Variants in ZBED6 observed in about 807,000 individuals in gnomAD.
ZBED6 encodes zinc finger BED domain-containing protein 6.
Under a neutral mutation model 58.4 loss-of-function variants are expected in ZBED6, and 40 were observed. That is an observed-to-expected ratio of 0.68 (90% CI 0.53 to 0.89). The LOEUF (loss-of-function observed/expected upper bound fraction) is 0.89. ZBED6 is among the 40% of genes least tolerant of loss of function. The pLI is 0.00. For synonymous variants in ZBED6, 439 were observed against 350.6 expected (o/e 1.25, Z -2.82); for missense variants, 1,057 against 1,003.9 (o/e 1.05, Z -0.71).
chr1:203,803,892 A>C (rs991961195), intron 1 of ZBED6, among the ~76,000 whole-genome samples: 6 of 152,184 alleles, frequency 3.9e-5, no homozygotes, highest in Admixed American at 3.9e-4. Context: ...GGTGTGAGCC[A>C]CCATGCCTGG....
At chr1:203,798,607 A>C in exon 1 of ZBED6, 1 of 1,536,126 alleles carries the variant, frequency 6.5e-7, no homozygotes, top group Non-Finnish European at 8.7e-7. Context: ...ACAGCTGAGG[A>C]CCTTAGTGAC....
At chr1:203,830,431 A>G (rs1681873215) in intron 7 of ZBED6, among the ~76,000 whole-genome samples, 1 of 152,232 alleles carries the variant, frequency 6.6e-6, no homozygotes, top group South Asian at 2.1e-4. Flanking sequence ...AAGAACTTGT[A>G]TATCTTGAAA....
intron 1 of ZBED6, chr1:203,805,515 T>G (rs550240379): frequency 1.2e-5 from 6 of 481,016 alleles, no homozygotes; most frequent in Non-Finnish European, 2.1e-5. Context: ...AATTAAACTT[T>G]CCTTCAAAGA....
At chr1:203,838,733 C>G (rs1685139425) in intron 10 of ZBED6, among the ~76,000 whole-genome samples, 1 of 151,980 alleles carries the variant, frequency 6.6e-6, no homozygotes, top group Non-Finnish European at 1.5e-5. Context: ...GGTGGATCAC[C>G]TGAGGTCAGA....
chr1:203,833,364 CAAAA>C (rs34277550), intron 8 of ZBED6, among the ~76,000 whole-genome samples: 1 of 71,144 alleles, frequency 1.4e-5, no homozygotes, highest in Non-Finnish European at 2.7e-5. Context: ...GACTCTGTCT[CAAAA>C]AAAAAAAAAA....
At chr1:203,798,205 T>C in exon 1 of ZBED6, 1 of 1,536,144 alleles carries the variant, frequency 6.5e-7, no homozygotes, top group Non-Finnish European at 8.7e-7. Context: ...GATAATAGAA[T>C]GGGCAAGAAG....
chr1:203,829,368 A>C, intron 4 of ZBED6, 83 bp from the exon 5 acceptor site: 3 of 1,352,608 alleles, frequency 2.2e-6, no homozygotes, highest in Non-Finnish European at 3.2e-6. Context: ...AATACACTAT[A>C]GTTTTCATAG....
At chr1:203,836,550 C>T (rs965685528) in intron 9 of ZBED6, among the ~76,000 whole-genome samples, 1 of 152,174 alleles carries the variant, frequency 6.6e-6, no homozygotes, top group Admixed American at 6.5e-5. Flanking sequence ...GAGTTCGAGA[C>T]CGGCCTGATC....
At chr1:203,850,003 A>C in exon 14 of ZBED6, 1 of 1,614,034 alleles carries the variant, frequency 6.2e-7, no homozygotes, top group Admixed American at 1.7e-5. Flanking sequence ...TGTGCAGCAC[A>C]GACCTTGGAA....
At chr1:203,798,228 G>C in exon 1 of ZBED6, 2 of 1,536,102 alleles carry the variant, frequency 1.3e-6, no homozygotes, top group Non-Finnish European at 1.7e-6. Context: ...TGATAAATCA[G>C]CATCTGATGC....
At chr1:203,832,720 AT>A (rs1219072274) in intron 8 of ZBED6, among the ~76,000 whole-genome samples, 1 of 152,200 alleles carries the variant, frequency 6.6e-6, no homozygotes, top group Non-Finnish European at 1.5e-5. Flanking sequence ...AGATATAGAT[AT>A]ATTTAAATGT....
At chr1:203,840,339 G>T in exon 11 of ZBED6, 2 of 1,612,988 alleles carry the variant, frequency 1.2e-6, no homozygotes, top group South Asian at 1.1e-5. Flanking sequence ...GAGCGATTAG[G>T]CATGTCAGCT....
At chr1:203,833,734 TTACTGAATACAGAA>T in intron 8 of ZBED6, 43 bp from the exon 9 acceptor site, 1 of 1,497,614 alleles carries the variant, frequency 6.7e-7, no homozygotes, top group Non-Finnish European at 9.2e-7. Context: ...CCATTAGTAG[TTACTGAATACAGAA>T]AAATTGACTA....
At chr1:203,808,670 A>G (rs113641776) in intron 1 of ZBED6, among the ~76,000 whole-genome samples, 4 of 152,184 alleles carry the variant, frequency 2.6e-5, no homozygotes, top group African/African-American at 9.6e-5. Context: ...TCGTGTCAGT[A>G]ATCTCTTGTA....
rs59157538 is a variant in ZBED6, at chr1:203,825,428, A to AT, written c.*2874-2847dup. Reference sequence around the variant, plus strand: ...TGTAGGAGAAATATTACTGTGGAGGATTTTTTTTTTTTTTTTTTTTTTTTG... The same window carrying AT: ...TGTAGGAGAAATATTACTGTGGAGGATTTTTTTTTTTTTTTTTTTTTTTTTG... On this transcript the variant is annotated intron_variant, in intron 3 of 16. Coordinates refer to ENST00000550078, the Ensembl canonical transcript of ZBED6. 3.7e-3 allele frequency among the ~76,000 whole-genome samples: 298 copies of AT among 81,590 alleles called. 5 individuals carry two copies. Among genetic ancestry groups the AT allele is most frequent in the East Asian group, 9.9e-3 (31 of 3,116 alleles). The allele number at this position is 81,590 out of a possible 152,430, so 53.5% of individuals were successfully genotyped here.
At chr1:203,853,860 T>TGA (rs1553273127) in exon 17 of ZBED6, 1 of 152,688 alleles carries the variant, frequency 6.5e-6, no homozygotes, top group Admixed American at 6.5e-5. Context: ...GAATGTTGTA[T>TGA]GATAGCCCTT....
Position 203,830,010 on chromosome 1 carries a change from T to C in ZBED6, c.*3319-113T>C, listed in dbSNP as rs949372535. ...TTCCCATGCTACACGCATACTTACC[T>C]ATACTTAGTTTCTGTTGATCATTTA... On this transcript the variant is annotated intron_variant, in intron 6 of 16. Transcript: ENST00000550078. 7.0e-6 allele frequency: 9 copies of C among 1,293,958 alleles called. No individual in the cohort carries two copies. In the African/African-American group the frequency reaches 1.2e-4, roughly 17 times the overall value. 80.2% of individuals were successfully genotyped at this position (1,293,958 alleles called of 1,614,324 possible).
intron 3 of ZBED6, among the ~76,000 whole-genome samples, chr1:203,826,079 A>G (rs1680419219): frequency 6.6e-6 from 1 of 152,200 alleles, no homozygotes; most frequent in Admixed American, 6.5e-5. Flanking sequence ...AACAAGGAAG[A>G]TTGGCATTAG....
At chr1:203,800,177 A>G in exon 1 of ZBED6, 1 of 1,528,996 alleles carries the variant, frequency 6.5e-7, no homozygotes, top group Non-Finnish European at 8.8e-7. Context: ...ATGACCCTTT[A>G]ATTTACTGGC....
Sources: allele counts gnomAD v4.1 joint callset (sites outside exome capture counted in the v4.1 genomes callset), GRCh38; gene constraint gnomAD v4.1.1; transcripts MANE v1.5; gene names NCBI Gene and HGNC (gene_info 2026-07-23, HGNC 2026-07-21).